Variants in EIF4H observed in about 807,000 individuals in gnomAD.
The protein encoded by EIF4H is Williams-Beuren syndrome chromosome region 1.
Under a neutral mutation model 30.6 loss-of-function variants are expected in EIF4H, and 8 were observed. The ratio of observed to expected loss-of-function variants is 0.26; its 90% confidence interval spans 0.15 to 0.47. The LOEUF (loss-of-function observed/expected upper bound fraction) is 0.47. Ranked by LOEUF, EIF4H falls within the 20% of genes least tolerant of loss-of-function variation. The probability of loss-of-function intolerance (pLI) is 0.99; values close to 1 mark genes in which losing one functional copy is unlikely to be tolerated. For missense variants in EIF4H, 188 were observed against 339.5 expected, an observed-to-expected ratio of 0.55 and a Z score of 3.51; for synonymous variants, 106 against 122.7, an observed-to-expected ratio of 0.86 and a Z score of 0.90.
intron 1 of EIF4H, among the ~76,000 whole-genome samples, chr7:74,174,832 G>A (rs546260069): frequency 6.6e-6 from 1 of 152,350 alleles, no homozygotes; most frequent in Non-Finnish European, 1.5e-5. Context: ...GCCCCGCTCC[G>A]GTCCCGGCCT....
At chr7:74,189,557 CA>C (rs1801158506) in intron 2 of EIF4H, 115 bp from the exon 3 acceptor site, 1 of 1,146,748 alleles carries the variant, frequency 8.7e-7, no homozygotes, top group African/African-American at 1.6e-5. Flanking sequence ...CCTAGTCTGC[CA>C]TCATCTAGAC....
At chr7:74,190,088 G>C in intron 4 of EIF4H, 159 bp from the exon 5 acceptor site, 1 of 1,116,870 alleles carries the variant, frequency 9.0e-7, no homozygotes, top group Non-Finnish European at 1.3e-6. Context: ...GCTTCTGCAA[G>C]CCTGGCGTTT....
rs1217942859 is a variant in EIF4H at position 74,195,540 on chromosome 7, C to T, written c.*232C>T. ...GTGCGTTTTTTTCTTTCTTCCGCTGCTTCCCCATTTTCCTTCTGTCCTTTT... is the reference window on the plus strand; with the variant it reads ...GTGCGTTTTTTTCTTTCTTCCGCTGTTTCCCCATTTTCCTTCTGTCCTTTT... On this transcript the variant is annotated 3_prime_UTR_variant, in exon 7 of 7. Coordinates refer to ENST00000265753, the MANE Select transcript of EIF4H (RefSeq NM_022170.2). 3.2e-5 allele frequency: 13 copies of T among 408,504 alleles called. No homozygotes were observed. Among genetic ancestry groups the T allele is most frequent in the Non-Finnish European group, 5.7e-5 (13 of 228,410 alleles). The allele number at this position is 408,504 out of a possible 1,614,324, so 25.3% of individuals were successfully genotyped here. A position where few individuals can be genotyped will look rare whatever the true frequency, so the allele number is the denominator to read the frequency against.
chr7:74,178,820 C>A (rs932017575), intron 1 of EIF4H, among the ~76,000 whole-genome samples: 1 of 152,144 alleles, frequency 6.6e-6, no homozygotes, highest in Non-Finnish European at 1.5e-5. Context: ...TCTAAGACTT[C>A]TTTTGTGTAA....
At chr7:74,180,975 A>G (rs1297944736) in intron 1 of EIF4H, among the ~76,000 whole-genome samples, 1 of 152,170 alleles carries the variant, frequency 6.6e-6, no homozygotes, top group Non-Finnish European at 1.5e-5. Context: ...GCCTCAAGGG[A>G]TACTCCTGCC....
intron 1 of EIF4H, among the ~76,000 whole-genome samples, chr7:74,176,239 CTT>C (rs1283931267): frequency 1.3e-4 from 18 of 137,606 alleles, no homozygotes; most frequent in Admixed American, 1.5e-4. Flanking sequence ...CATGTGTATT[CTT>C]TTTTTTTTTT....
At position 74,190,258 on chromosome 7, in the gene EIF4H, T is replaced by C; in HGVS notation, c.421T>C (p.Ser141Pro). 6.2e-7 allele frequency: 1 copy of C among 1,614,220 alleles called. No homozygotes were observed. The highest frequency in any genetic ancestry group is 8.5e-7 in the Non-Finnish European group (1 of 1,180,032). ...GGPDDRGMGS[S>P]RESRGGWDSR... Reference sequence around the variant, plus strand: ...TTGTGTATCCTCAGGAATGGGTAGCTCTCGAGAATCTAGAGGTGGATGGGA... The same window carrying C: ...TTGTGTATCCTCAGGAATGGGTAGCCCTCGAGAATCTAGAGGTGGATGGGA... Residue 141 changes from serine (S) to proline (P), a missense_variant, in exon 5 of 7, where the codon TCT (serine) becomes CCT (proline). Ser to Pro is a moderately conservative substitution (Grantham distance 74). Transcript: ENST00000265753.
intron 1 of EIF4H, among the ~76,000 whole-genome samples, chr7:74,177,240 C>T (rs560739969): frequency 1.3e-5 from 2 of 152,316 alleles, no homozygotes; most frequent in South Asian, 2.1e-4. Context: ...TGAGCTACCA[C>T]GCCCAGCCTA....
intron 5 of EIF4H, among the ~76,000 whole-genome samples, chr7:74,194,141 TGCTCTCTGCTCATGCCC>T (rs1311718659): frequency 6.6e-6 from 1 of 152,252 alleles, no homozygotes; most frequent in East Asian, 1.9e-4. Flanking sequence ...TGAGGCGCTG[TGCTCTCTGCTCATGCCC>T]CTCTGTGTAG....
intron 5 of EIF4H, chr7:74,191,377 C>T: frequency 2.1e-6 from 1 of 477,028 alleles, no homozygotes; most frequent in Non-Finnish European, 4.3e-6. Context: ...ATAGAAGTTG[C>T]CCACATACTA....
At chr7:74,188,462 A>T (rs1370415695) in intron 2 of EIF4H, among the ~76,000 whole-genome samples, 1 of 152,140 alleles carries the variant, frequency 6.6e-6, no homozygotes, top group Admixed American at 6.5e-5. Context: ...ACCCAAAAGC[A>T]CATCTGTGAC....
At chr7:74,180,908 A>G (rs1244479896) in intron 1 of EIF4H, among the ~76,000 whole-genome samples, 2 of 152,164 alleles carry the variant, frequency 1.3e-5, no homozygotes, top group Non-Finnish European at 2.9e-5. Flanking sequence ...GAGCTAAATA[A>G]TTGTTTTTTT....
At position 74,194,886 on chromosome 7, in the gene EIF4H, C is replaced by T; in HGVS notation, c.607+8C>T. 1 of 1,582,672 alleles carries T rather than the reference C, an allele frequency of 6.3e-7. No individual in the cohort carries two copies. The highest frequency in any genetic ancestry group is 8.6e-7 in the Non-Finnish European group (1 of 1,156,562). ...TCAGAGAACCCACAGAAGGTACGGG[C>T]TCATGTGTCAGTGGAGGGCATCTTG... On this transcript the variant is annotated splice_region_variant and intron_variant, in intron 6 of 6. Coordinates refer to ENST00000265753, the MANE Select transcript of EIF4H (RefSeq NM_022170.2).
At chr7:74,193,326 C>T (rs1801267240) in intron 5 of EIF4H, among the ~76,000 whole-genome samples, 1 of 152,224 alleles carries the variant, frequency 6.6e-6, no homozygotes, top group Non-Finnish European at 1.5e-5. Flanking sequence ...GGGATCGTCG[C>T]ATCTGTGCAG....
At chr7:74,178,140 T>C (rs1176904838) in intron 1 of EIF4H, among the ~76,000 whole-genome samples, 1 of 152,030 alleles carries the variant, frequency 6.6e-6, no homozygotes, top group South Asian at 2.1e-4. Context: ...AGAGTGTCTC[T>C]ATGTTGCCCA....
intron 6 of EIF4H, 110 bp from the exon 7 acceptor site, chr7:74,195,059 G>A (rs1801312846): frequency 4.5e-6 from 7 of 1,541,578 alleles, no homozygotes; most frequent in Non-Finnish European, 6.1e-6. Context: ...TAGCAGGCCA[G>A]GTGAATTTTA....
intron 5 of EIF4H, 146 bp downstream of exon 5, chr7:74,190,452 A>C (rs1273975197): frequency 1.3e-6 from 1 of 767,222 alleles, no homozygotes; most frequent in Non-Finnish European, 2.1e-6. Flanking sequence ...CAGGCATGCA[A>C]GTAAGCCTCT....
intron 5 of EIF4H, among the ~76,000 whole-genome samples, chr7:74,192,671 TTTTTTTTTTC>T (rs1801248469): frequency 5.3e-5 from 3 of 56,940 alleles, no homozygotes; most frequent in African/African-American, 5.5e-5. Context: ...TATGTGACTT[TTTTTTTTTTC>T]TTTTTTTTTT....
intron 1 of EIF4H, among the ~76,000 whole-genome samples, chr7:74,179,663 T>C (rs1554708162): frequency 6.6e-6 from 1 of 151,948 alleles, no homozygotes; most frequent in East Asian, 1.9e-4. Context: ...CTTTATCTTG[T>C]ACTCCGACTG....
Sources: allele counts gnomAD v4.1 joint callset (sites outside exome capture counted in the v4.1 genomes callset), GRCh38; gene constraint gnomAD v4.1.1; transcripts MANE v1.5; gene names NCBI Gene and HGNC (gene_info 2026-07-23, HGNC 2026-07-21).